The following TFAP2A variants were observed in gnomAD, a reference collection of about 807,000 sequenced individuals.
TFAP2A encodes the protein transcription factor AP-2 alpha, also known as transcription factor AP-2-alpha.
TFAP2A carries 7 observed loss-of-function variants against 41.5 expected under a neutral mutation model. That is an observed-to-expected ratio of 0.17 (90% CI 0.10 to 0.32). The LOEUF (loss-of-function observed/expected upper bound fraction) is 0.32. Among genes scored for constraint, TFAP2A ranks in the 10% least tolerant of loss-of-function variants. TFAP2A has a pLI of 1.00. For missense variants in TFAP2A, 416 were observed against 563.3 expected, an observed-to-expected ratio of 0.74 and a Z score of 2.65; for synonymous variants, 247 against 242.8, an observed-to-expected ratio of 1.02 and a Z score of -0.16.
intron 1 of TFAP2A, 104 bp from the exon 2 acceptor site, chr6:10,410,439 TC>T: frequency 8.2e-7 from 1 of 1,218,558 alleles, no homozygotes; most frequent in South Asian, 1.3e-5. Context: ...AATCGCCCGT[TC>T]CCGTTGGCTG....
At chr6:10,419,292 A>C, upstream of TFAP2A, 1 of 1,128,264 alleles carries the variant, frequency 8.9e-7, no homozygotes. Flanking sequence ...GGGCGCTGCC[A>C]GGCGCGCCTC....
upstream of TFAP2A, chr6:10,419,332 C>A: frequency 6.6e-7 from 1 of 1,519,194 alleles, no homozygotes; most frequent in Non-Finnish European, 9.1e-7. Context: ...TGGGCCACGG[C>A]GCTTCCTCTC....
At chr6:10,413,711 T>C (rs1758105867) in intron 1 of TFAP2A, among the ~76,000 whole-genome samples, 1 of 152,020 alleles carries the variant, frequency 6.6e-6, no homozygotes, top group East Asian at 1.9e-4. Flanking sequence ...AGGAGAACGA[T>C]TTAAAATAAT....
chr6:10,398,277 C>G lies in TFAP2A; in HGVS notation c.*140G>C. The G allele has an allele frequency of 6.4e-7, 1 of 1,568,054 alleles. No homozygotes were observed. The highest frequency in any genetic ancestry group is 8.6e-7 in the Non-Finnish European group (1 of 1,162,522). On this transcript the variant is annotated 3_prime_UTR_variant, in exon 7 of 7. Transcript: ENST00000379613. This position sits in a 1 kb window ranked among gnomAD's most constrained non-coding sequence, Gnocchi z 5.3. Reference sequence around the variant, plus strand: ...CCGGAGACTCGGGGGGACCCAAGGGCAGCGGCGGCGGCGGCGGCGGCAGCA... The same window carrying G: ...CCGGAGACTCGGGGGGACCCAAGGGGAGCGGCGGCGGCGGCGGCGGCAGCA...
chr6:10,398,115 C>G lies in TFAP2A; in HGVS notation c.*302G>C. The stretch of plus-strand genomic sequence containing the variant: ...AAAAGGGTTCACAAACTTGGCAGAA[C>G]TTTTCTCTGCTGGCTTCACGGCCTG... On this transcript the variant is annotated 3_prime_UTR_variant, in exon 7 of 7. Transcript: ENST00000379613. The surrounding 1 kb of genome is among the most constrained non-coding windows in gnomAD (Gnocchi z 5.3). 1 of 1,263,476 alleles carries G rather than the reference C, an allele frequency of 7.9e-7. No homozygotes were observed. Among genetic ancestry groups the G allele is most frequent in the Non-Finnish European group, 1.0e-6 (1 of 1,004,200 alleles). 78.3% of individuals were successfully genotyped at this position (1,263,476 alleles called of 1,614,324 possible). A position where few individuals can be genotyped will look rare whatever the true frequency, so the allele number is the denominator to read the frequency against.
At position 10,398,032 on chromosome 6, in the gene TFAP2A, A is replaced by C. The variant is rs9350372; in HGVS notation, c.*385T>G. On this transcript the variant is annotated 3_prime_UTR_variant, in exon 7 of 7. Coordinates refer to ENST00000379613, the MANE Select transcript of TFAP2A (RefSeq NM_001372066.1). This position sits in a 1 kb window ranked among gnomAD's most constrained non-coding sequence, Gnocchi z 5.3. ...TATTTTCACTTTTTTTTTAGAAAAA[A>C]GTTTTTAATTTTTGTTGTTGTTGTT... The C allele has an allele frequency of 9.4e-7, 1 of 1,067,316 alleles. No individual in the cohort carries two copies. The highest frequency in any genetic ancestry group is 1.1e-6 in the Non-Finnish European group (1 of 882,072). The allele number at this position is 1,067,316 out of a possible 1,614,324, so 66.1% of individuals were successfully genotyped here.
intron 1 of TFAP2A, among the ~76,000 whole-genome samples, chr6:10,414,071 T>G (rs148012962): frequency 6.6e-6 from 1 of 152,346 alleles, no homozygotes; most frequent in East Asian, 1.9e-4. Context: ...CTCTGCGTTT[T>G]AAAATGGGTT....
rs764664664 is a variant in TFAP2A at position 10,398,291 on chromosome 6, G to A, written c.*126C>T. The stretch of plus-strand genomic sequence containing the variant: ...GGACCCAAGGGCAGCGGCGGCGGCG[G>A]CGGCGGCAGCAGCAGCAGCAGTAGC... On this transcript the variant is annotated 3_prime_UTR_variant, in exon 7 of 7. Coordinates refer to ENST00000379613, the MANE Select transcript of TFAP2A (RefSeq NM_001372066.1). The surrounding 1 kb of genome is among the most constrained non-coding windows in gnomAD (Gnocchi z 5.3). 4 of 1,586,614 alleles carry A rather than the reference G, an allele frequency of 2.5e-6. No homozygotes were observed. The highest frequency in any genetic ancestry group is 1.7e-6 in the Non-Finnish European group (2 of 1,170,114).
In TFAP2A at chr6:10,398,897, A is replaced by C. The variant is rs553080852; in HGVS notation, c.1032-192T>G. The stretch of plus-strand genomic sequence containing the variant: ...CCAGCCACCTTTCAGTGACCACTAA[A>C]CCATCTCTCTTTACTTCCTACCTTC... On this transcript the variant is annotated intron_variant, in intron 6 of 6. Transcript: ENST00000379613. The surrounding 1 kb of genome is among the most constrained non-coding windows in gnomAD (Gnocchi z 5.3). Among the ~76,000 whole-genome samples, 1 of 152,220 alleles carries C rather than the reference A, an allele frequency of 6.6e-6. No homozygotes were observed. Among genetic ancestry groups the C allele is most frequent in the African/African-American group, 2.4e-5 (1 of 41,542 alleles).
chr6:10,403,533 G>A (rs750850648), intron 4 of TFAP2A, among the ~76,000 whole-genome samples: 2 of 152,196 alleles, frequency 1.3e-5, no homozygotes, highest in East Asian at 1.9e-4. Flanking sequence ...CCACTAGAAA[G>A]GAACTGTGGG....
chr6:10,411,706 C>G lies in TFAP2A; in HGVS notation c.52-1371G>C, dbSNP rs529747420. The G allele has an allele frequency of 1.3e-4, 208 of 1,579,122 alleles. 1 individual carries two copies. In the African/African-American group the frequency reaches 2.4e-3, roughly 19 times the overall value. On this transcript the variant is annotated intron_variant, in intron 1 of 6. Transcript: ENST00000379613. Reference sequence around the variant, plus strand: ...CCCACACAAAAGGCGCCGAGAGCCCCGCGCCACCCAGGACTCCAGTCACGG... The same window carrying G: ...CCCACACAAAAGGCGCCGAGAGCCCGGCGCCACCCAGGACTCCAGTCACGG...
At chr6:10,415,271 C>G, upstream of TFAP2A, 2 of 1,415,666 alleles carry the variant, frequency 1.4e-6, no homozygotes, top group Non-Finnish European at 1.8e-6. Flanking sequence ...ATGGTAGAAA[C>G]TTTTCCCTTT....
intron 1 of TFAP2A, among the ~76,000 whole-genome samples, chr6:10,413,051 G>GC (rs1478974055): frequency 4.6e-5 from 7 of 151,956 alleles, no homozygotes; most frequent in Non-Finnish European, 7.4e-5. Flanking sequence ...CCCGCCTGAC[G>GC]CCCCCCCAGA....
rs772718031 is a variant in TFAP2A, at chr6:10,406,755, G to C, written c.538+38C>G. The C allele has an allele frequency of 2.6e-6, 4 of 1,564,066 alleles. No homozygotes were observed. In the South Asian group the frequency reaches 4.4e-5, roughly 17 times the overall value. On this transcript the variant is annotated intron_variant, in intron 3 of 6. Coordinates refer to ENST00000379613, the MANE Select transcript of TFAP2A (RefSeq NM_001372066.1). Reference sequence around the variant, plus strand: ...AGTTCTTTTAAATAGCACTCTGCCTGTAAGGACATGCTTGGAATGCAGAAG... The same window carrying C: ...AGTTCTTTTAAATAGCACTCTGCCTCTAAGGACATGCTTGGAATGCAGAAG...
At chr6:10,409,386 A>G (rs1043722363) in intron 2 of TFAP2A, 3 of 153,858 alleles carry the variant, frequency 1.9e-5, no homozygotes, top group African/African-American at 7.2e-5. Context: ...GTTTTTCTTT[A>G]ATCAGGATAG....
rs1355313097 is a variant in TFAP2A, at chr6:10,398,287, G to A, written c.*130C>T. ...GGGGGGACCCAAGGGCAGCGGCGGC[G>A]GCGGCGGCGGCAGCAGCAGCAGCAG... is the stretch of plus-strand genomic sequence containing the variant. On this transcript the variant is annotated 3_prime_UTR_variant, in exon 7 of 7. Transcript: ENST00000379613. The surrounding 1 kb of genome is among the most constrained non-coding windows in gnomAD (Gnocchi z 5.3). The A allele has an allele frequency of 5.7e-6, 9 of 1,582,920 alleles. No homozygotes were observed. Among genetic ancestry groups the A allele is most frequent in the African/African-American group, 2.7e-5 (2 of 74,424 alleles).
At chr6:10,400,411 A>C in intron 6 of TFAP2A, 37 bp downstream of exon 6, 1 of 1,614,112 alleles carries the variant, frequency 6.2e-7, no homozygotes, top group Non-Finnish European at 8.5e-7. Context: ...TCTCTTGACA[A>C]CGAGACACAG....
chr6:10,406,671 A>G, intron 3 of TFAP2A, 122 bp downstream of exon 3: 5 of 847,196 alleles, frequency 5.9e-6, no homozygotes, highest in Non-Finnish European at 1.0e-5. Flanking sequence ...GTGCCTATCT[A>G]TTTGCTAATT....
At chr6:10,419,358 GC>G, upstream of TFAP2A, 1 of 1,573,960 alleles carries the variant, frequency 6.4e-7, no homozygotes, top group Non-Finnish European at 8.7e-7. Context: ...CCCCGCTCCG[GC>G]CCCCTCCCCT....
Sources: allele counts gnomAD v4.1 joint callset (sites outside exome capture counted in the v4.1 genomes callset), GRCh38; gene constraint gnomAD v4.1.1; non-coding constraint Gnocchi (gnomAD v3.1); transcripts MANE v1.5; gene names NCBI Gene and HGNC (gene_info 2026-07-23, HGNC 2026-07-21).